Variants in RIGI observed in about 807,000 individuals in gnomAD.
RIGI encodes the protein RNA sensor RIG-I.
chr9:32,517,257 G>C, the RIGI span, among the ~76,000 whole-genome samples: 1 of 152,190 alleles, frequency 6.6e-6, no homozygotes, highest in African/African-American at 2.4e-5. Context: ...GCCTTCATTG[G>C]ATTACCGATT....
At chr9:32,504,457 C>T in the RIGI span, among the ~76,000 whole-genome samples, 1 of 152,036 alleles carries the variant, frequency 6.6e-6, no homozygotes, top group Non-Finnish European at 1.5e-5. Flanking sequence ...GTGGGTGGAT[C>T]ACTTGAGTCC....
chr9:32,481,679 G>A, the RIGI span, among the ~76,000 whole-genome samples: 271 of 151,774 alleles, frequency 1.8e-3, no homozygotes, highest in Non-Finnish European at 3.2e-3. Flanking sequence ...TCCACCTCCC[G>A]GATTCAAGCG....
chr9:32,467,675 A>G, the RIGI span: 1 of 1,338,522 alleles, frequency 7.5e-7, no homozygotes, highest in Non-Finnish European at 1.0e-6. Context: ...ACCATGGCTC[A>G]GTAAAGAGAA....
the RIGI span, among the ~76,000 whole-genome samples, chr9:32,469,516 G>A: frequency 2.6e-5 from 4 of 152,178 alleles, no homozygotes; most frequent in African/African-American, 9.7e-5. Context: ...ATTCAGGATT[G>A]CAATTGTCCA....
At chr9:32,512,331 C>A in the RIGI span, among the ~76,000 whole-genome samples, 2 of 152,154 alleles carry the variant, frequency 1.3e-5, no homozygotes, top group Admixed American at 6.5e-5. Flanking sequence ...AAAATACTGG[C>A]AAACTGAATC....
At chr9:32,457,507 A>C in the RIGI span, 1 of 1,105,430 alleles carries the variant, frequency 9.0e-7, no homozygotes, top group Non-Finnish European at 1.2e-6. Flanking sequence ...AGAAAACCCC[A>C]CAATAATCTG....
chr9:32,476,027 C>A, the RIGI span, among the ~76,000 whole-genome samples: 6 of 151,892 alleles, frequency 4.0e-5, no homozygotes, highest in Non-Finnish European at 8.8e-5. Context: ...TGAACAGACA[C>A]CTCACCAAGG....
chr9:32,466,714 AAAAG>A, the RIGI span, among the ~76,000 whole-genome samples: 1 of 138,456 alleles, frequency 7.2e-6, no homozygotes, highest in Non-Finnish European at 1.6e-5. Context: ...AAAAAAAAAA[AAAAG>A]ACTCAAATGC....
the RIGI span, chr9:32,500,906 T>A: frequency 6.2e-7 from 1 of 1,614,194 alleles, no homozygotes; most frequent in Non-Finnish European, 8.5e-7. Flanking sequence ...TGGGCCCTTG[T>A]TGTTTTTCTC....
chr9:32,469,704 T>C, the RIGI span, among the ~76,000 whole-genome samples: 3 of 152,228 alleles, frequency 2.0e-5, no homozygotes, highest in Non-Finnish European at 4.4e-5. Flanking sequence ...TAGTGGAGGC[T>C]AAATTTAAAT....
chr9:32,525,485 C>G, the RIGI span, among the ~76,000 whole-genome samples: 1 of 152,294 alleles, frequency 6.6e-6, no homozygotes. Flanking sequence ...TGGTCATTAC[C>G]CAGGATCACC....
chr9:32,474,318 C>T, the RIGI span, among the ~76,000 whole-genome samples: 1 of 146,910 alleles, frequency 6.8e-6, no homozygotes, highest in African/African-American at 2.5e-5. Flanking sequence ...AATGACAAAA[C>T]ACTGATAAAA....
chr9:32,463,997 C>A, the RIGI span, among the ~76,000 whole-genome samples: 4 of 151,152 alleles, frequency 2.6e-5, no homozygotes, highest in African/African-American at 9.7e-5. Context: ...TTCTTGGATA[C>A]CTCTGGGCTG....
the RIGI span, chr9:32,459,637 A>G: frequency 1.1e-6 from 1 of 912,372 alleles, no homozygotes. Context: ...TACAACTTCC[A>G]TGAACATATG....
chr9:32,487,973 A>G, the RIGI span: 1 of 1,614,108 alleles, frequency 6.2e-7, no homozygotes, highest in Non-Finnish European at 8.5e-7. Flanking sequence ...AGATCCTCCA[A>G]GTTTCTGATC....
At chr9:32,521,161 A>AAAAAAC in the RIGI span, among the ~76,000 whole-genome samples, 4 of 150,632 alleles carry the variant, frequency 2.7e-5, no homozygotes, top group African/African-American at 9.8e-5. Flanking sequence ...AAAAAAAAAA[A>AAAAAAC]ACTTCACAGA....
At chr9:32,512,314 C>T in the RIGI span, among the ~76,000 whole-genome samples, 1 of 152,154 alleles carries the variant, frequency 6.6e-6, no homozygotes, top group African/African-American at 2.4e-5. Context: ...ATGCAAAAAT[C>T]CTCAATAAAA....
chr9:32,482,902 G>A, the RIGI span, among the ~76,000 whole-genome samples: 15,543 of 151,678 alleles, frequency 0.1, 1,003 homozygotes, highest in Middle Eastern at 0.29. Flanking sequence ...TTCACCCTAT[G>A]TTCTGCTTTG....
At chr9:32,486,485 C>T in the RIGI span, among the ~76,000 whole-genome samples, 6 of 148,460 alleles carry the variant, frequency 4.0e-5, no homozygotes, top group Middle Eastern at 3.2e-3. Context: ...AAGTAGTACA[C>T]GCAAAGTGTC....
Sources: allele counts gnomAD v4.1 joint callset (sites outside exome capture counted in the v4.1 genomes callset), GRCh38; gene constraint gnomAD v4.1.1; transcripts MANE v1.5; gene names NCBI Gene and HGNC (gene_info 2026-07-23, HGNC 2026-07-21).